PRKACB: variants seen among roughly 807,000 people sequenced by gnomAD.
PRKACB encodes protein kinase cAMP-activated catalytic subunit beta.
A neutral mutation model predicts 51.4 loss-of-function variants in PRKACB; 16 were observed. That is an observed-to-expected ratio of 0.31 (90% CI 0.21 to 0.47). PRKACB has a LOEUF of 0.47. Ranked by LOEUF, PRKACB falls within the 20% of genes least tolerant of loss-of-function variation. The pLI is 1.00. For missense variants in PRKACB, 309 were observed against 464.5 expected (o/e 0.67, Z 3.08); for synonymous variants, 147 against 154.4 (o/e 0.95, Z 0.35).
At chr1:84,156,480 A>G (rs899825255) in intron 1 of PRKACB, among the ~76,000 whole-genome samples, 4 of 152,138 alleles carry the variant, frequency 2.6e-5, no homozygotes, top group Admixed American at 6.6e-5. Context: ...GGTTATGTCA[A>G]AGGATTTCAT....
intron 1 of PRKACB, among the ~76,000 whole-genome samples, chr1:84,102,942 C>T (rs1649463264): frequency 6.6e-6 from 1 of 152,136 alleles, no homozygotes; most frequent in Non-Finnish European, 1.5e-5. Context: ...AATTTCTATT[C>T]CTATCTCACC....
intron 8 of PRKACB, among the ~76,000 whole-genome samples, chr1:84,205,943 TGA>T (rs1292344371): frequency 6.6e-6 from 1 of 152,082 alleles, no homozygotes; most frequent in Non-Finnish European, 1.5e-5. Context: ...ATACATATGC[TGA>T]GTTTCTGTAT....
At chr1:84,155,611 T>C (rs538253363) in intron 1 of PRKACB, among the ~76,000 whole-genome samples, 1 of 152,310 alleles carries the variant, frequency 6.6e-6, no homozygotes, top group Non-Finnish European at 1.5e-5. Context: ...CAGTGAGTAA[T>C]AGCAGATGAT....
chr1:84,107,413 G>A (rs1218104953), intron 1 of PRKACB, among the ~76,000 whole-genome samples: 2 of 152,130 alleles, frequency 1.3e-5, no homozygotes, highest in South Asian at 2.1e-4. Flanking sequence ...TACCATTTTG[G>A]ACATAAGAAC....
chr1:84,140,465 A>G (rs1411617858), upstream of PRKACB, among the ~76,000 whole-genome samples: 1 of 152,346 alleles, frequency 6.6e-6, no homozygotes, highest in South Asian at 2.1e-4. Context: ...TAAAACCTTT[A>G]TTTGAATAGC....
chr1:84,220,856 A>C (rs1276322471), intron 9 of PRKACB, among the ~76,000 whole-genome samples: 1 of 152,040 alleles, frequency 6.6e-6, no homozygotes, highest in Non-Finnish European at 1.5e-5. Context: ...TGTTTTGTTA[A>C]AAATTTTTGT....
intron 8 of PRKACB, among the ~76,000 whole-genome samples, chr1:84,212,825 G>C (rs1672332064): frequency 6.6e-6 from 1 of 152,094 alleles, no homozygotes; most frequent in Non-Finnish European, 1.5e-5. Flanking sequence ...TAAAATGGAT[G>C]AACTACAGTA....
intron 1 of PRKACB, among the ~76,000 whole-genome samples, chr1:84,103,258 T>C (rs1649488518): frequency 6.6e-6 from 1 of 152,174 alleles, no homozygotes; most frequent in Admixed American, 6.5e-5. Flanking sequence ...GGGTTTCTCA[T>C]TGCTTTAACC....
chr1:84,096,884 C>T lies in PRKACB; in HGVS notation c.46+18513C>T, dbSNP rs28369405. ...AATTAACAGCATTCTAGAAGGTTCC[C>T]TTGTCCCTCCAGAGTCAATAAGCAT... On this transcript the variant is annotated intron_variant, in intron 1 of 8. Coordinates refer to the PRKACB transcript ENST00000370688. 3.8e-3 allele frequency among the ~76,000 whole-genome samples: 575 copies of T among 152,078 alleles called. 3 individuals carry two copies. The highest frequency in any genetic ancestry group is 0.013 in the African/African-American group (540 of 41,526).
intron 9 of PRKACB, among the ~76,000 whole-genome samples, chr1:84,219,633 TGA>T (rs1673403525): frequency 1.3e-5 from 2 of 151,084 alleles, no homozygotes; most frequent in Non-Finnish European, 2.9e-5. Flanking sequence ...GGGGATATGG[TGA>T]GAGAGAGGGA....
chr1:84,184,154 T>C lies in PRKACB; in HGVS notation c.477+19T>C. On this transcript the variant is annotated intron_variant, in intron 4 of 9. Coordinates refer to ENST00000370685, the MANE Select transcript of PRKACB (RefSeq NM_182948.4). Reference sequence around the variant, plus strand: ...TTTTAAGGTAAATTTTAGTAATATCTAAATAAGATATTTTCAACCTAAATT... The same window carrying C: ...TTTTAAGGTAAATTTTAGTAATATCCAAATAAGATATTTTCAACCTAAATT... The C allele has an allele frequency of 1.9e-6, 3 of 1,570,968 alleles. No individual in the cohort carries two copies. Among genetic ancestry groups the C allele is most frequent in the Admixed American group, 1.9e-5 (1 of 51,770 alleles).
In PRKACB at chr1:84,147,350, C is replaced by T. The variant is rs565103101; in HGVS notation, c.187+2802C>T. Among the ~76,000 whole-genome samples the T allele has an allele frequency of 3.3e-5, 5 of 152,112 alleles. No individual in the cohort carries two copies. In the South Asian group the frequency reaches 1.0e-3, roughly 32 times the overall value. ...CCTTTGCAAATTTTATACAATCTCT[C>T]AGACAGTTTACCTCCTATTTGTTAG... On this transcript the variant is annotated intron_variant, in intron 1 of 9. Transcript: ENST00000370685.
intron 8 of PRKACB, among the ~76,000 whole-genome samples, chr1:84,207,474 A>G (rs1671513414): frequency 6.6e-6 from 1 of 152,174 alleles, no homozygotes; most frequent in Non-Finnish European, 1.5e-5. Context: ...GCGTATGAAA[A>G]GTTATTATGC....
At chr1:84,218,809 T>G (rs1572510932) in intron 9 of PRKACB, among the ~76,000 whole-genome samples, 1 of 152,300 alleles carries the variant, frequency 6.6e-6, no homozygotes, top group East Asian at 1.9e-4. Flanking sequence ...ACTTGGTGTT[T>G]TTTGCCTTTT....
intron 1 of PRKACB, among the ~76,000 whole-genome samples, chr1:84,134,315 C>T (rs553465208): frequency 3.3e-5 from 5 of 150,442 alleles, no homozygotes; most frequent in South Asian, 2.1e-4. Context: ...CACTTTGGGC[C>T]GTGCTTCCAG....
At chr1:84,227,744 A>G (rs1349442843) in intron 9 of PRKACB, among the ~76,000 whole-genome samples, 2 of 152,218 alleles carry the variant, frequency 1.3e-5, no homozygotes, top group Admixed American at 6.5e-5. Flanking sequence ...TATCAATGAA[A>G]CAGATGTAAG....
At chr1:84,180,046 CA>C (rs761445098) in intron 2 of PRKACB, among the ~76,000 whole-genome samples, 1,504 of 50,970 alleles carry the variant, frequency 0.03, 27 homozygotes, top group African/African-American at 0.086. Flanking sequence ...ACATAAAGAC[CA>C]AAAAAAAAAA....
At chr1:84,095,856 T>A (rs1458960016) in intron 1 of PRKACB, among the ~76,000 whole-genome samples, 2 of 152,034 alleles carry the variant, frequency 1.3e-5, no homozygotes, top group Non-Finnish European at 2.9e-5. Context: ...TTGTAAATTT[T>A]TCTACTCATT....
rs1347023977 is a variant in PRKACB, at chr1:84,238,068, T to A, written c.*2763T>A. ...GACAGTGTTCTTAAAATTATTTGAA[T>A]ATCATAAGAGCCTTGGTGTCTGTCC... is the stretch of plus-strand genomic sequence containing the variant. On this transcript the variant is annotated 3_prime_UTR_variant, in exon 10 of 10. Coordinates refer to ENST00000370685, the MANE Select transcript of PRKACB (RefSeq NM_182948.4). The A allele has an allele frequency of 6.6e-6, 1 of 152,176 alleles. No individual in the cohort carries two copies. The highest frequency in any genetic ancestry group is 1.5e-5 in the Non-Finnish European group (1 of 68,002). 9.4% of individuals were successfully genotyped at this position (152,176 alleles called of 1,614,324 possible). A position where few individuals can be genotyped will look rare whatever the true frequency, so the allele number is the denominator to read the frequency against.
Sources: gnomAD v4.1 joint callset for allele counts (sites outside exome capture counted in the v4.1 genomes callset) on GRCh38, gnomAD v4.1.1 for gene constraint, MANE v1.5 for transcripts, NCBI Gene and HGNC (gene_info 2026-07-23, HGNC 2026-07-21) for gene names.